Variants in MYO15A observed in about 807,000 individuals in gnomAD.
MYO15A encodes the protein unconventional myosin-XV.
Under a neutral mutation model 394.6 loss-of-function variants are expected in MYO15A, and 308 were observed. The ratio of observed to expected loss-of-function variants is 0.78; its 90% confidence interval spans 0.71 to 0.86. The LOEUF (loss-of-function observed/expected upper bound fraction) is 0.86, where lower values mean the gene tolerates loss of function less well. MYO15A is among the 40% of genes least tolerant of loss of function. The pLI is 0.00. For synonymous variants in MYO15A, 1,957 were observed against 2,003.8 expected, an observed-to-expected ratio of 0.98 and a Z score of 0.62; for missense variants, 4,606 against 4,799.1, an observed-to-expected ratio of 0.96 and a Z score of 1.19.
intron 1 of MYO15A, among the ~76,000 whole-genome samples, chr17:18,114,334 C>T (rs1206952491): frequency 1.4e-5 from 2 of 147,668 alleles, no homozygotes; most frequent in Non-Finnish European, 3.0e-5. Context: ...TCACTGCAAC[C>T]TCTGCCTCCC....
chr17:18,158,319 G>T, intron 51 of MYO15A: 1 of 603,114 alleles, frequency 1.7e-6, no homozygotes, highest in Non-Finnish European at 2.9e-6. Flanking sequence ...AGTGGGGCAG[G>T]GAGCCAGGTT....
chr17:18,126,653 G>T, intron 5 of MYO15A, 138 bp from the exon 6 acceptor site: 1 of 1,163,706 alleles, frequency 8.6e-7, no homozygotes, highest in Admixed American at 1.7e-5. Flanking sequence ...GACCAGGATG[G>T]GGGTGGGAGC....
At chr17:18,131,866 C>T (rs546935340) in intron 10 of MYO15A, among the ~76,000 whole-genome samples, 3 of 152,242 alleles carry the variant, frequency 2.0e-5, no homozygotes, top group African/African-American at 7.2e-5. Flanking sequence ...AGGAAGCTCC[C>T]CATTTAAAAA....
Position 18,157,021 on chromosome 17 carries a change from A to G in MYO15A, c.8669A>G (p.Lys2890Arg), listed in dbSNP as rs745803827. Reference sequence around the variant, plus strand: ...GACCCTGCGCTGCTGGCTTTCCACAAGGGTGACATCATACACCTGCAGCCC... The same window carrying G: ...GACCCTGCGCTGCTGGCTTTCCACAGGGGTGACATCATACACCTGCAGCCC... ...PEDPALLAFH[K>R]GDIIHLQPLE... is the part of the protein sequence containing the mutation. Residue 2890 changes from lysine to arginine, a missense_variant, in exon 49 of 66, where the codon AAG becomes AGG. By Grantham distance (26) the Lys-to-Arg change is conservative (BLOSUM62 2). Around this residue, in one of 2 missense-constraint regions of MYO15A, gnomAD observed 2,776 missense variants for 3,109.3 expected, o/e 0.89. Transcript: ENST00000647165. 6 of 1,614,156 alleles carry G rather than the reference A, an allele frequency of 3.7e-6. No individual in the cohort carries two copies. The highest frequency in any genetic ancestry group is 3.3e-5 in the South Asian group (3 of 91,090).
At chr17:18,146,817 CAA>C (rs569381601) in intron 30 of MYO15A, among the ~76,000 whole-genome samples, 47 of 152,198 alleles carry the variant, frequency 3.1e-4, no homozygotes, top group Non-Finnish European at 5.3e-4. Flanking sequence ...CCCAGCTACT[CAA>C]GAGGTTGAGG....
Position 18,148,271 on chromosome 17 carries a change from C to G in MYO15A, c.6691+61C>G, listed in dbSNP as rs1567650112. ...GGAGTCAGCAGGGCCCAGTGAGCCC[C>G]GGGGATGGCAGAAGCCACTGGATGT... On this transcript the variant is annotated intron_variant, in intron 31 of 65. Transcript: ENST00000647165. The surrounding 1 kb of genome is among the most constrained non-coding windows in gnomAD (Gnocchi z 4.8). The G allele has an allele frequency of 4.4e-6, 7 of 1,599,516 alleles. No homozygotes were observed. In the East Asian group the frequency reaches 1.1e-4, roughly 26 times the overall value.
At chr17:18,161,043 G>A (rs1234363905) in intron 56 of MYO15A, 1 of 591,042 alleles carries the variant, frequency 1.7e-6, no homozygotes, top group East Asian at 3.3e-5. Context: ...CCTACCTGTT[G>A]TGAGGCAGAG....
rs750282173 is a variant in MYO15A, at chr17:18,119,614, C to G, written c.814C>G (p.Pro272Ala). ...CCTCGGCCCCTACAGCCCGGCCTGG[C>G]CACCCTACGGCGACCACTACTACGG... is the stretch of plus-strand genomic sequence containing the variant. ...AGLGPYSPAW[P>A]PYGDHYYGYP... Residue 272 changes from proline (P) to alanine (A), a missense_variant, in exon 2 of 66, where the codon CCA (proline) becomes GCA (alanine). Coordinates refer to ENST00000647165, the MANE Select transcript of MYO15A (RefSeq NM_016239.4). 6.2e-7 allele frequency: 1 copy of G among 1,603,416 alleles called. No individual in the cohort carries two copies. The highest frequency in any genetic ancestry group is 2.2e-5 in the East Asian group (1 of 44,864).
intron 25 of MYO15A, 29 bp from the exon 26 acceptor site, chr17:18,143,537 T>C: frequency 6.4e-7 from 1 of 1,550,692 alleles, no homozygotes; most frequent in South Asian, 1.2e-5. Context: ...TGCCTGCCAC[T>C]CCCCAACCTG....
chr17:18,155,454 G>A (rs1248361326), intron 47 of MYO15A, 22 bp downstream of exon 47: 34 of 1,597,674 alleles, frequency 2.1e-5, no homozygotes, highest in Non-Finnish European at 2.8e-5. Flanking sequence ...GGGTGAAGTG[G>A]GGCTGGCTGG....
At chr17:18,114,554 G>T (rs2045762112) in intron 1 of MYO15A, among the ~76,000 whole-genome samples, 1 of 152,030 alleles carries the variant, frequency 6.6e-6, no homozygotes, top group African/African-American at 2.4e-5. Flanking sequence ...ACCTGGCCCT[G>T]GTCCTGTCTT....
Position 18,151,390 on chromosome 17 carries a change from C to T in MYO15A, c.7655-5C>T, listed in dbSNP as rs2046579446. 6.2e-7 allele frequency: 1 copy of T among 1,614,082 alleles called. No individual in the cohort carries two copies. The highest frequency in any genetic ancestry group is 8.5e-7 in the Non-Finnish European group (1 of 1,180,034). ...CCCTGTTCCCACCGCGCCCCTTGCC[C>T]ACAGCTTCACCCTCCCCAGAGCTGG... On this transcript the variant is annotated splice_region_variant and splice_polypyrimidine_tract_variant and intron_variant, in intron 39 of 65. Transcript: ENST00000647165.
chr17:18,119,078 G>A lies in MYO15A; in HGVS notation c.278G>A (p.Gly93Asp). 3 of 1,611,880 alleles carry A rather than the reference G, an allele frequency of 1.9e-6. No homozygotes were observed. Among genetic ancestry groups the A allele is most frequent in the African/African-American group, 1.3e-5 (1 of 75,040 alleles). ...TSKLMTQMRM[G>D]KKKRAMKGKK... is the part of the protein sequence containing the mutation. ...AAGCTCATGACGCAGATGCGCATGG[G>A]CAAGAAGAAGCGGGCGATGAAGGGC... Residue 93 changes from glycine (G) to aspartate (D), a missense_variant, in exon 2 of 66, where the codon GGC (glycine) becomes GAC (aspartate). Around this residue, in one of 2 missense-constraint regions of MYO15A, gnomAD observed 1,830 missense variants for 1,689.7 expected, o/e 1.08. Coordinates refer to ENST00000647165, the MANE Select transcript of MYO15A (RefSeq NM_016239.4).
In MYO15A at chr17:18,157,234, T is replaced by C; in HGVS notation, c.8788+4T>C. On this transcript the variant is annotated splice_donor_region_variant and intron_variant, in intron 50 of 65. Transcript: ENST00000647165. ...CGACGTAGAGGCCCCGACTTTGGTG[T>C]GTGCCCCAGAACCTGGAACCCCATA... 6.2e-7 allele frequency: 1 copy of C among 1,601,646 alleles called. No individual in the cohort carries two copies. Among genetic ancestry groups the C allele is most frequent in the Non-Finnish European group, 8.5e-7 (1 of 1,173,882 alleles).
At chr17:18,135,193 G>A (rs1275895824) in intron 12 of MYO15A, among the ~76,000 whole-genome samples, 3 of 151,830 alleles carry the variant, frequency 2.0e-5, no homozygotes, top group East Asian at 1.9e-4. Flanking sequence ...TTTTCGAGAC[G>A]GAGTTTCACT....
intron 18 of MYO15A, chr17:18,139,153 C>T (rs2142329496): frequency 1.5e-6 from 1 of 682,882 alleles, no homozygotes; most frequent in Non-Finnish European, 2.6e-6. Context: ...ACTCATGGGG[C>T]AGGTGTGAAA....
Position 18,121,611 on chromosome 17 carries a change from A to AC in MYO15A, c.2812dup (p.Arg938ProfsTer42). On this transcript the variant is annotated frameshift_variant, in exon 2 of 66. Transcript: ENST00000647165. LOFTEE classifies it high-confidence loss of function. This position sits in a 1 kb window ranked among gnomAD's most constrained non-coding sequence, Gnocchi z 5.3. ...GGGACGTGGACATGCCTCCCACCCAACGCCCACCCTCCCCCTGGCCAGGAG... is the reference window on the plus strand; with the variant it reads ...GGGACGTGGACATGCCTCCCACCCAACCGCCCACCCTCCCCCTGGCCAGGAG... The AC allele has an allele frequency of 1.9e-6, 3 of 1,592,500 alleles. No homozygotes were observed. The highest frequency in any genetic ancestry group is 2.6e-6 in the Non-Finnish European group (3 of 1,167,732).
chr17:18,166,187 G>A (rs546338335), intron 60 of MYO15A, among the ~76,000 whole-genome samples, 174 bp from the exon 61 acceptor site: 1 of 152,328 alleles, frequency 6.6e-6, no homozygotes, highest in East Asian at 1.9e-4. Context: ...CACCCCATTC[G>A]ACAAGCATGC....
In MYO15A at chr17:18,142,761, G is replaced by A. The variant is rs370216680; in HGVS notation, c.5831G>A (p.Arg1944His). 4.2e-5 allele frequency: 68 copies of A among 1,613,558 alleles called. No individual in the cohort carries two copies. The highest frequency in any genetic ancestry group is 9.3e-5 in the African/African-American group (7 of 75,012). The change falls in exon 25 of 66, where the codon CGC becomes CAC. Residue 1944 changes from arginine to histidine, a missense_variant. Coordinates refer to ENST00000647165, the MANE Select transcript of MYO15A (RefSeq NM_016239.4). ...TCCCCACTACCCCAACCCAGGCAAC[G>A]CTATCAGCAGATGAGGAGGAGTCTG... ...SRARGYLARQ[R>H]YQQMRRSLVK...
Sources: allele counts gnomAD v4.1 joint callset (sites outside exome capture counted in the v4.1 genomes callset), GRCh38; gene constraint gnomAD v4.1.1; regional missense constraint gnomAD v4.1.1; non-coding constraint Gnocchi (gnomAD v3.1); transcripts MANE v1.5; gene names NCBI Gene and HGNC (gene_info 2026-07-23, HGNC 2026-07-21).